Variants in CSNK1G1 observed in about 807,000 individuals in gnomAD.
CSNK1G1 encodes the protein casein kinase I isoform gamma-1.
CSNK1G1 carries 22 observed loss-of-function variants against 59.6 expected under a neutral mutation model. That is an observed-to-expected ratio of 0.37 (90% CI 0.26 to 0.53). The LOEUF is 0.53. Ranked by LOEUF, CSNK1G1 falls within the 20% of genes least tolerant of loss-of-function variation. CSNK1G1 has a pLI of 0.89. For synonymous variants in CSNK1G1, 179 were observed against 177.1 expected (o/e 1.01, Z -0.08); for missense variants, 384 against 519.5 (o/e 0.74, Z 2.54).
intron 2 of CSNK1G1, among the ~76,000 whole-genome samples, chr15:64,259,611 G>C (rs544310339): frequency 1.3e-5 from 2 of 151,912 alleles, no homozygotes; most frequent in Non-Finnish European, 2.9e-5. Flanking sequence ...TTAGCTCTTG[G>C]CACAATAAAC....
At chr15:64,354,381 G>GTGA (rs1898515928) in intron 1 of CSNK1G1, among the ~76,000 whole-genome samples, 1 of 152,200 alleles carries the variant, frequency 6.6e-6, no homozygotes, top group African/African-American at 2.4e-5. Flanking sequence ...AAAGAGACAT[G>GTGA]TGATGTTAAG....
chr15:64,317,498 T>G (rs897030488), intron 1 of CSNK1G1, among the ~76,000 whole-genome samples: 1 of 151,912 alleles, frequency 6.6e-6, no homozygotes, highest in African/African-American at 2.4e-5. Flanking sequence ...ATCAAATACT[T>G]TTTTTGTATC....
intron 2 of CSNK1G1, among the ~76,000 whole-genome samples, chr15:64,299,453 G>A (rs57572355): frequency 6.6e-6 from 1 of 151,986 alleles, no homozygotes; most frequent in East Asian, 1.9e-4. Flanking sequence ...TTAGCCGGGC[G>A]TGGTGGCGGA....
intron 1 of CSNK1G1, among the ~76,000 whole-genome samples, chr15:64,309,309 AACACACACACACACAC>A (rs66467610): frequency 3.1e-4 from 46 of 146,498 alleles, no homozygotes; most frequent in Non-Finnish European, 4.9e-4. Flanking sequence ...TAGTGAATAA[AACACACACACACACAC>A]ACACACACAC....
At chr15:64,340,405 T>A (rs1414511322) in intron 1 of CSNK1G1, among the ~76,000 whole-genome samples, 1 of 152,252 alleles carries the variant, frequency 6.6e-6, no homozygotes, top group East Asian at 1.9e-4. Context: ...TATTCTAATA[T>A]AATGGTGAAT....
intron 10 of CSNK1G1, among the ~76,000 whole-genome samples, chr15:64,180,781 G>A (rs899993307): frequency 7.2e-5 from 11 of 152,176 alleles, no homozygotes; most frequent in African/African-American, 2.6e-4. Context: ...ACTTAACCAA[G>A]GTTTAGAGTT....
intron 1 of CSNK1G1, among the ~76,000 whole-genome samples, chr15:64,316,373 T>G (rs1896263470): frequency 6.6e-6 from 1 of 151,386 alleles, no homozygotes; most frequent in Non-Finnish European, 1.5e-5. Context: ...CTGTCTCTAT[T>G]AAAACTACAA....
rs1478387310 is a variant in CSNK1G1, at chr15:64,300,655, A to C, written c.-156T>G. The C allele has an allele frequency of 2.3e-6, 3 of 1,285,266 alleles. No individual in the cohort carries two copies. The highest frequency in any genetic ancestry group is 5.7e-5 in the East Asian group (2 of 34,956). The allele number at this position is 1,285,266 out of a possible 1,614,324, so 79.6% of individuals were successfully genotyped here. On this transcript the variant is annotated 5_prime_UTR_variant, in exon 2 of 12. Transcript: ENST00000303052. ...TTTGTAATGTATCTCCGGGAGATGA[A>C]AAACCATTTATTTGTTCCCGTAGGA...
chr15:64,277,985 C>T (rs1045365985), intron 2 of CSNK1G1, among the ~76,000 whole-genome samples: 5 of 142,446 alleles, frequency 3.5e-5, no homozygotes, highest in South Asian at 4.3e-4. Context: ...TTGATATATT[C>T]GAATAATATA....
chr15:64,192,840 T>TAAAAAA (rs66643774), intron 10 of CSNK1G1, among the ~76,000 whole-genome samples: 3 of 32,226 alleles, frequency 9.3e-5, no homozygotes, highest in Admixed American at 5.5e-4. Context: ...GAGATCTGCC[T>TAAAAAA]AAAAAAAAAA....
intron 10 of CSNK1G1, among the ~76,000 whole-genome samples, chr15:64,180,846 T>C (rs891355821): frequency 2.6e-5 from 4 of 152,244 alleles, no homozygotes; most frequent in African/African-American, 7.2e-5. Flanking sequence ...TTCTTTCATA[T>C]TGCAAAAACA....
At chr15:64,352,962 GC>G (rs1898399289) in intron 1 of CSNK1G1, among the ~76,000 whole-genome samples, 1 of 151,928 alleles carries the variant, frequency 6.6e-6, no homozygotes, top group Non-Finnish European at 1.5e-5. Flanking sequence ...GGTGGCACAC[GC>G]CTGTAGTTCC....
At chr15:64,347,509 G>A (rs1423187368) in intron 1 of CSNK1G1, among the ~76,000 whole-genome samples, 4 of 151,296 alleles carry the variant, frequency 2.6e-5, no homozygotes, top group South Asian at 4.2e-4. Context: ...CAAGCTACTC[G>A]GGAGGCTGAA....
intron 1 of CSNK1G1, among the ~76,000 whole-genome samples, chr15:64,352,374 A>G (rs1001018805): frequency 2.6e-5 from 4 of 152,000 alleles, no homozygotes; most frequent in Admixed American, 6.6e-5. Flanking sequence ...TTACACTCTC[A>G]GAAGAGCCAT....
intron 2 of CSNK1G1, among the ~76,000 whole-genome samples, chr15:64,271,542 G>A (rs1263495187): frequency 7.2e-5 from 11 of 152,078 alleles, no homozygotes; most frequent in Admixed American, 6.6e-4. Context: ...GCCCACCTTG[G>A]CCTCCCAAAG....
chr15:64,224,992 C>G (rs550431377), intron 4 of CSNK1G1, among the ~76,000 whole-genome samples: 2 of 147,886 alleles, frequency 1.4e-5, no homozygotes, highest in South Asian at 2.1e-4. Flanking sequence ...AGATAGAATC[C>G]AAAATACACT....
At chr15:64,279,244 A>G (rs1176512602) in intron 2 of CSNK1G1, among the ~76,000 whole-genome samples, 1 of 152,244 alleles carries the variant, frequency 6.6e-6, no homozygotes, top group East Asian at 1.9e-4. Context: ...GAACATTTTC[A>G]GCATACCAGT....
rs551737968 is a variant in CSNK1G1, at chr15:64,337,994, C to G, written c.-225+17994G>C. ...AATTTCCTTCCTTTGTATGTATATA[C>G]TACATATTGTTTATGCACTCATCTG... On this transcript the variant is annotated intron_variant, in intron 1 of 11. Transcript: ENST00000303052. Among the ~76,000 whole-genome samples, 5 of 152,306 alleles carry G rather than the reference C, an allele frequency of 3.3e-5. No individual in the cohort carries two copies. The South Asian group carries it at 1.0e-3, about 32-fold the overall frequency.
rs565867867 is a variant in CSNK1G1 at position 64,200,637 on chromosome 15, C to A, written c.1107+2445G>T. 6.6e-6 allele frequency among the ~76,000 whole-genome samples: 1 copy of A among 152,182 alleles called. No homozygotes were observed. The highest frequency in any genetic ancestry group is 1.5e-5 in the Non-Finnish European group (1 of 68,032). On this transcript the variant is annotated intron_variant, in intron 10 of 11. Coordinates refer to ENST00000303052, the MANE Select transcript of CSNK1G1 (RefSeq NM_022048.5). This position sits in a 1 kb window ranked among gnomAD's most constrained non-coding sequence, Gnocchi z 4.3. Reference sequence around the variant, plus strand: ...CTGGGATTACAGGCGTGAGCCACTGCGCCTGGCCGCATTATAGAGTAATAA... The same window carrying A: ...CTGGGATTACAGGCGTGAGCCACTGAGCCTGGCCGCATTATAGAGTAATAA...
Sources: allele counts gnomAD v4.1 joint callset (sites outside exome capture counted in the v4.1 genomes callset), GRCh38; gene constraint gnomAD v4.1.1; non-coding constraint Gnocchi (gnomAD v3.1); transcripts MANE v1.5; gene names NCBI Gene and HGNC (gene_info 2026-07-23, HGNC 2026-07-21).